The following NR1H3 variants were observed in gnomAD, a reference collection of about 807,000 sequenced individuals.
NR1H3 encodes the protein oxysterols receptor LXR-alpha.
NR1H3 carries 19 observed loss-of-function variants against 48.1 expected under a neutral mutation model. That is an observed-to-expected ratio of 0.40 (90% CI 0.28 to 0.58). The LOEUF (loss-of-function observed/expected upper bound fraction) is 0.58. Among genes scored for constraint, NR1H3 ranks in the 20% least tolerant of loss-of-function variants. The pLI is 0.50. For synonymous variants in NR1H3, 232 were observed against 227.3 expected (o/e 1.02, Z -0.19); for missense variants, 486 against 595.9 (o/e 0.82, Z 1.92).
At position 47,259,890 on chromosome 11, in the gene NR1H3, A is replaced by C. The variant is rs1209444192; in HGVS notation, c.143A>C (p.His48Pro). 1.9e-6 allele frequency: 3 copies of C among 1,612,746 alleles called. No individual in the cohort carries two copies. Among genetic ancestry groups the C allele is most frequent in the Non-Finnish European group, 1.7e-6 (2 of 1,179,712 alleles). The change falls in exon 3 of 10, where the codon CAC becomes CCC. Residue 48 changes from histidine to proline, a missense_variant. Coordinates refer to ENST00000441012, the MANE Select transcript of NR1H3 (RefSeq NM_005693.4). The stretch of plus-strand genomic sequence containing the variant: ...CTCAGAGAGGAAGCCAGGATGCCCC[A>C]CTCTGCTGGGGGTACTGCAGGGGTG... ...CILREEARMP[H>P]SAGGTAGVGL...
chr11:47,256,075 C>T (rs190740185), upstream of NR1H3, among the ~76,000 whole-genome samples: 2 of 151,884 alleles, frequency 1.3e-5, no homozygotes, highest in East Asian at 3.9e-4. Context: ...GAGATGGAGT[C>T]TCAGTCTGTC....
chr11:47,266,480 T>C (rs991543922), intron 7 of NR1H3, among the ~76,000 whole-genome samples: 5 of 151,180 alleles, frequency 3.3e-5, no homozygotes. Context: ...GGACTACAGG[T>C]GCGCCACCAT....
Position 47,259,958 on chromosome 11 carries a change from G to A in NR1H3, c.211G>A (p.Glu71Lys). Residue 71 changes from glutamate (E) to lysine (K), a missense_variant, in exon 3 of 10, where the codon GAG becomes AAG. Physicochemically the swap from Glu to Lys is moderately conservative, Grantham distance 56. Transcript: ENST00000441012. ...AEPTALLTRA[E>K]PPSEPTEIRP... ...GCCCACAGCCCTGCTCACCAGGGCA[G>A]AGCCCCCTTCAGAACCCACAGGTGA... 1 of 1,554,312 alleles carries A rather than the reference G, an allele frequency of 6.4e-7. No homozygotes were observed. The highest frequency in any genetic ancestry group is 8.7e-7 in the Non-Finnish European group (1 of 1,152,622).
At chr11:47,267,879 G>T (rs751326081) in intron 7 of NR1H3, 34 bp from the exon 8 acceptor site, 39 of 1,456,864 alleles carry the variant, frequency 2.7e-5, no homozygotes, top group Non-Finnish European at 3.5e-5. Flanking sequence ...TGCTGCTCCT[G>T]CTGCTTGCGT....
chr11:47,257,407 CTCTCT>C (rs1297768994), upstream of NR1H3, among the ~76,000 whole-genome samples: 1 of 152,220 alleles, frequency 6.6e-6, no homozygotes, highest in Non-Finnish European at 1.5e-5. Context: ...TCCTGGCCTC[CTCTCT>C]TATCTGTGGC....
intron 7 of NR1H3, among the ~76,000 whole-genome samples, 180 bp from the exon 8 acceptor site, chr11:47,267,733 T>C (rs1196336153): frequency 6.6e-6 from 1 of 152,212 alleles, no homozygotes; most frequent in Non-Finnish European, 1.5e-5. Flanking sequence ...CTTCTCGAAC[T>C]CCTGACTTCA....
intron 1 of NR1H3, among the ~76,000 whole-genome samples, chr11:47,249,631 A>G (rs1954449920): frequency 1.3e-5 from 2 of 152,166 alleles, no homozygotes; most frequent in African/African-American, 4.8e-5. Flanking sequence ...GTTTCCACAG[A>G]ATCAATGGCC....
chr11:47,248,697 C>T (rs778545443), upstream of NR1H3: 7 of 1,612,164 alleles, frequency 4.3e-6, no homozygotes, highest in Non-Finnish European at 5.9e-6. Context: ...AGCGCAGACT[C>T]CGGGCCCGGG....
chr11:47,255,429 T>C (rs1565177683), upstream of NR1H3, among the ~76,000 whole-genome samples: 1 of 152,180 alleles, frequency 6.6e-6, no homozygotes. Context: ...TCCACCAAGT[T>C]AAAGCAATGG....
Position 47,259,949 on chromosome 11 carries a change from A to G in NR1H3, c.202A>G (p.Thr68Ala). The G allele has an allele frequency of 1.3e-6, 2 of 1,571,794 alleles. No homozygotes were observed. The highest frequency in any genetic ancestry group is 1.7e-6 in the Non-Finnish European group (2 of 1,160,300). Reference sequence around the variant, plus strand: ...GGCTGCAGAGCCCACAGCCCTGCTCACCAGGGCAGAGCCCCCTTCAGAACC... The same window carrying G: ...GGCTGCAGAGCCCACAGCCCTGCTCGCCAGGGCAGAGCCCCCTTCAGAACC... ...LEAAEPTALL[T>A]RAEPPSEPTE... Residue 68 changes from threonine (T) to alanine (A), a missense_variant, in exon 3 of 10, where the codon ACC becomes GCC. Thr to Ala is a moderately conservative substitution (Grantham distance 58). Transcript: ENST00000441012.
At chr11:47,265,060 G>A (rs1316210361) in intron 7 of NR1H3, among the ~76,000 whole-genome samples, 2 of 152,162 alleles carry the variant, frequency 1.3e-5, no homozygotes, top group Non-Finnish European at 2.9e-5. Flanking sequence ...TTGGGAGGCC[G>A]AGGCAGGCGG....
At chr11:47,255,829 G>A (rs1045340296), upstream of NR1H3, among the ~76,000 whole-genome samples, 2 of 151,216 alleles carry the variant, frequency 1.3e-5, no homozygotes, top group African/African-American at 4.9e-5. Context: ...CATCACACCC[G>A]GCTAATTTTT....
At chr11:47,264,466 A>G (rs766192082) in intron 7 of NR1H3, among the ~76,000 whole-genome samples, 4 of 152,218 alleles carry the variant, frequency 2.6e-5, no homozygotes, top group Admixed American at 6.5e-5. Context: ...GCCTGGATGT[A>G]TTGACACCTA....
chr11:47,250,276 G>A (rs565591182), intron 1 of NR1H3, among the ~76,000 whole-genome samples: 2 of 152,212 alleles, frequency 1.3e-5, no homozygotes, highest in African/African-American at 4.8e-5. Context: ...TGGGTGTGGT[G>A]GCACACACCT....
In NR1H3 at chr11:47,261,493, A is replaced by C. The variant is rs199894688; in HGVS notation, c.708+44A>C. 89 of 1,610,642 alleles carry C rather than the reference A, an allele frequency of 5.5e-5. 1 individual carries two copies. The African/African-American group carries it at 1.0e-3, about 18-fold the overall frequency. On this transcript the variant is annotated intron_variant, in intron 5 of 9. Coordinates refer to ENST00000441012, the MANE Select transcript of NR1H3 (RefSeq NM_005693.4). Reference sequence around the variant, plus strand: ...GAGAGGCGGCTGCGCCCAGATCACCAGTGGGCTTCTTGATGTCCGACTCAA... The same window carrying C: ...GAGAGGCGGCTGCGCCCAGATCACCCGTGGGCTTCTTGATGTCCGACTCAA...
chr11:47,260,764 G>T lies in NR1H3; in HGVS notation c.499+89G>T, dbSNP rs879613993. ...AAAACAGGTGCCTGAACTTGCAGGG[G>T]CTAACTGATCCCTAAGTATGGATCC... On this transcript the variant is annotated intron_variant, in intron 4 of 9. Transcript: ENST00000441012. 5 of 1,444,182 alleles carry T rather than the reference G, an allele frequency of 3.5e-6. No individual in the cohort carries two copies. The African/African-American group carries it at 5.6e-5, about 16-fold the overall frequency. The allele number at this position is 1,444,182 out of a possible 1,614,324, so 89.5% of individuals were successfully genotyped here. A position where few individuals can be genotyped will look rare whatever the true frequency, so the allele number is the denominator to read the frequency against.
chr11:47,259,296 C>A (rs993423014), intron 2 of NR1H3, 37 bp downstream of exon 2: 6 of 1,614,040 alleles, frequency 3.7e-6, no homozygotes, highest in Non-Finnish European at 5.1e-6. Flanking sequence ...TGAGCCCAGA[C>A]CGCAGGCTCC....
chr11:47,260,443 C>A lies in NR1H3; in HGVS notation c.267C>A (p.Ala89=). The change falls in exon 4 of 10, where the codon GCC becomes GCA. Residue 89 remains alanine, a synonymous_variant. Coordinates refer to ENST00000441012, the MANE Select transcript of NR1H3 (RefSeq NM_005693.4). ...IRPQKRKKGP[A]PKMLGNELCS... Reference sequence around the variant, plus strand: ...CACAAAAGCGGAAAAAGGGGCCAGCCCCCAAAATGCTGGGGAACGAGCTAT... The same window carrying A: ...CACAAAAGCGGAAAAAGGGGCCAGCACCCAAAATGCTGGGGAACGAGCTAT... 6.2e-7 allele frequency: 1 copy of A among 1,613,840 alleles called. No individual in the cohort carries two copies. The highest frequency in any genetic ancestry group is 8.5e-7 in the Non-Finnish European group (1 of 1,179,740).
rs1176298105 is a variant in NR1H3 at position 47,268,669 on chromosome 11, C to G, written c.1317C>G (p.Leu439=). 3 of 1,614,196 alleles carry G rather than the reference C, an allele frequency of 1.9e-6. No individual in the cohort carries two copies. Among genetic ancestry groups the G allele is most frequent in the Middle Eastern group, 3.3e-4 (2 of 6,062 alleles). Residue 439 remains leucine (L), a synonymous_variant, in exon 10 of 10, where the codon CTC becomes CTG. Transcript: ENST00000441012. ...RLQDKKLPPL[L]SEIWDVHE ...AGGACAAAAAGCTCCCACCGCTGCT[C>G]TCTGAGATCTGGGATGTGCACGAAT...
Sources: allele counts gnomAD v4.1 joint callset (sites outside exome capture counted in the v4.1 genomes callset), GRCh38; gene constraint gnomAD v4.1.1; transcripts MANE v1.5; gene names NCBI Gene and HGNC (gene_info 2026-07-23, HGNC 2026-07-21).